The following PCDH15 variants were observed in gnomAD, a reference collection of about 807,000 sequenced individuals.
PCDH15 encodes protocadherin-15.
A neutral mutation model predicts 178.5 loss-of-function variants in PCDH15; 129 were observed. The ratio of observed to expected loss-of-function variants is 0.72; its 90% CI spans 0.63 to 0.84. PCDH15 has a LOEUF of 0.84. Ranked by LOEUF, PCDH15 falls within the 40% of genes least tolerant of loss-of-function variation. The probability of loss-of-function intolerance (pLI) is 0.00; values close to 1 mark genes in which losing one functional copy is unlikely to be tolerated. For synonymous variants in PCDH15, 800 were observed against 732.0 expected (o/e 1.09, Z -1.50); for missense variants, 2,230 against 2,099.9 (o/e 1.06, Z -1.21).
intron 6 of PCDH15, among the ~76,000 whole-genome samples, chr10:54,344,904 CA>C (rs57295345): frequency 0.17 from 13,819 of 79,252 alleles, 987 homozygotes; most frequent in Middle Eastern, 0.36. Flanking sequence ...AGAAACAAAG[CA>C]AAAAAAAAAA....
chr10:54,165,876 C>T (rs2046174942), intron 13 of PCDH15, among the ~76,000 whole-genome samples: 1 of 152,046 alleles, frequency 6.6e-6, no homozygotes, highest in Non-Finnish European at 1.5e-5. Context: ...GAAACAGAAA[C>T]AATAACTTCT....
intron 2 of PCDH15, among the ~76,000 whole-genome samples, chr10:54,567,768 C>T (rs2089255527): frequency 6.6e-6 from 1 of 151,920 alleles, no homozygotes; most frequent in Admixed American, 6.6e-5. Flanking sequence ...ATAATAAAAT[C>T]AAAATAGGTC....
chr10:54,564,212 G>T (rs1301473988), intron 2 of PCDH15, among the ~76,000 whole-genome samples: 1 of 151,962 alleles, frequency 6.6e-6, no homozygotes, highest in Non-Finnish European at 1.5e-5. Flanking sequence ...CACTTCAAAT[G>T]ATTATACATC....
At chr10:54,244,960 G>A (rs990696261) in intron 8 of PCDH15, among the ~76,000 whole-genome samples, 1 of 152,110 alleles carries the variant, frequency 6.6e-6, no homozygotes, top group African/African-American at 2.4e-5. Flanking sequence ...ATAATGATAT[G>A]GTTCCCATTG....
chr10:54,114,236 C>A (rs981880044), intron 15 of PCDH15, among the ~76,000 whole-genome samples: 1 of 152,118 alleles, frequency 6.6e-6, no homozygotes, highest in Admixed American at 6.5e-5. Flanking sequence ...AACCCTGAAT[C>A]CGCCATTTCC....
chr10:53,935,823 T>A (rs1372835389), intron 25 of PCDH15, among the ~76,000 whole-genome samples: 2 of 152,044 alleles, frequency 1.3e-5, no homozygotes, highest in Non-Finnish European at 2.9e-5. Flanking sequence ...TATGGAGACG[T>A]TTTTCTTTAT....
chr10:54,362,573 CAG>C (rs990104147), intron 5 of PCDH15, among the ~76,000 whole-genome samples: 12 of 151,950 alleles, frequency 7.9e-5, no homozygotes, highest in Admixed American at 3.9e-4. Flanking sequence ...CTGAAAGAAA[CAG>C]AACTTGATTA....
intron 2 of PCDH15, among the ~76,000 whole-genome samples, chr10:55,056,666 T>C (rs1564754372): frequency 6.6e-6 from 1 of 150,902 alleles, no homozygotes; most frequent in Non-Finnish European, 1.5e-5. Flanking sequence ...GGAGTCTTGC[T>C]GTCTTGCCCA....
chr10:55,267,774 C>T (rs1032347298), intron 1 of PCDH15, among the ~76,000 whole-genome samples: 1 of 152,116 alleles, frequency 6.6e-6, no homozygotes, highest in Non-Finnish European at 1.5e-5. Flanking sequence ...ATTGCAGTAT[C>T]TAAAACAAGT....
chr10:53,925,125 T>G (rs900207296), intron 25 of PCDH15, among the ~76,000 whole-genome samples: 4 of 152,136 alleles, frequency 2.6e-5, no homozygotes, highest in African/African-American at 7.2e-5. Flanking sequence ...TCTTCCACAC[T>G]GTGGAAGCTT....
intron 3 of PCDH15, among the ~76,000 whole-genome samples, chr10:54,851,633 C>A (rs1953622409): frequency 6.6e-6 from 1 of 152,094 alleles, no homozygotes; most frequent in Non-Finnish European, 1.5e-5. Flanking sequence ...CTCCCTTTGT[C>A]ACCCAGGCTG....
At chr10:55,445,391 C>T (rs924209073) in intron 2 of PCDH15, among the ~76,000 whole-genome samples, 3 of 152,166 alleles carry the variant, frequency 2.0e-5, no homozygotes, top group African/African-American at 7.2e-5. Context: ...AAGTGTGAAC[C>T]AGGTCTCAGT....
chr10:54,374,184 T>C (rs1030004383), intron 4 of PCDH15, among the ~76,000 whole-genome samples: 2 of 152,036 alleles, frequency 1.3e-5, no homozygotes, highest in African/African-American at 2.4e-5. Flanking sequence ...AGAGGTCTTA[T>C]ACTAAAGTTA....
chr10:55,435,621 T>G (rs994531105), intron 2 of PCDH15, among the ~76,000 whole-genome samples: 6 of 152,026 alleles, frequency 3.9e-5, no homozygotes, highest in Admixed American at 3.9e-4. Context: ...TCAATTAAAT[T>G]TTTAAAAATT....
chr10:55,133,247 C>A (rs1176301997), intron 2 of PCDH15, among the ~76,000 whole-genome samples: 1 of 152,134 alleles, frequency 6.6e-6, no homozygotes, highest in Non-Finnish European at 1.5e-5. Flanking sequence ...TCATTGATTA[C>A]TTTCATGTTG....
At chr10:54,607,788 G>T (rs1177148722) in intron 2 of PCDH15, 7 of 488,978 alleles carry the variant, frequency 1.4e-5, no homozygotes, top group Middle Eastern at 7.4e-4. Flanking sequence ...CTACTACAAA[G>T]AATTTTTATA....
chr10:54,177,833 A>G (rs2047592905), intron 13 of PCDH15, among the ~76,000 whole-genome samples: 1 of 152,114 alleles, frequency 6.6e-6, no homozygotes, highest in African/African-American at 2.4e-5. Context: ...TAAAATAAAG[A>G]TAATTGATTA....
intron 25 of PCDH15, among the ~76,000 whole-genome samples, chr10:53,938,275 A>G (rs971719930): frequency 6.6e-6 from 1 of 152,166 alleles, no homozygotes; most frequent in African/African-American, 2.4e-5. Flanking sequence ...AATTATTAAC[A>G]AAATCTTGCC....
At chr10:53,927,601 C>T (rs1209680515) in intron 25 of PCDH15, among the ~76,000 whole-genome samples, 1 of 152,026 alleles carries the variant, frequency 6.6e-6, no homozygotes, top group Non-Finnish European at 1.5e-5. Context: ...GATATTATAA[C>T]AGCGTTTCTT....
Sources: gnomAD v4.1 joint callset for allele counts (sites outside exome capture counted in the v4.1 genomes callset) on GRCh38, gnomAD v4.1.1 for gene constraint, MANE v1.5 for transcripts, NCBI Gene and HGNC (gene_info 2026-07-23, HGNC 2026-07-21) for gene names.